The following PRIM2 variants were observed in gnomAD, a reference collection of about 807,000 sequenced individuals.
PRIM2 encodes the protein DNA primase subunit 2.
In PRIM2, 39 loss-of-function variants were observed where a neutral mutation model predicts 67.3. That is an observed-to-expected ratio of 0.58 (90% CI 0.45 to 0.76). The LOEUF is 0.76. Among genes scored for constraint, PRIM2 ranks in the 30% least tolerant of loss-of-function variants. PRIM2 has a pLI of 0.00. For missense variants in PRIM2, 398 were observed against 598.7 expected, an observed-to-expected ratio of 0.66 and a Z score of 3.50; for synonymous variants, 143 against 198.7, an observed-to-expected ratio of 0.72 and a Z score of 2.36.
At chr6:57,465,759 C>A (rs1487706371) in intron 7 of PRIM2, among the ~76,000 whole-genome samples, 7 of 151,994 alleles carry the variant, frequency 4.6e-5, no homozygotes, top group African/African-American at 1.7e-4. Flanking sequence ...AGGACAGAGT[C>A]CGGCATACTT....
intron 7 of PRIM2, among the ~76,000 whole-genome samples, chr6:57,386,249 A>G (rs1770143469): frequency 1.3e-5 from 2 of 150,894 alleles, no homozygotes; most frequent in South Asian, 2.1e-4. Context: ...AACAACAGCA[A>G]CAACAACAAC....
intron 10 of PRIM2, among the ~76,000 whole-genome samples, chr6:57,584,973 G>C (rs1480787187): frequency 6.6e-6 from 1 of 152,112 alleles, no homozygotes; most frequent in Non-Finnish European, 1.5e-5. Context: ...AGTTCTCACC[G>C]ATGAGAAATG....
At chr6:57,502,935 G>A (rs1774170360) in intron 7 of PRIM2, among the ~76,000 whole-genome samples, 1 of 152,058 alleles carries the variant, frequency 6.6e-6, no homozygotes, top group African/African-American at 2.4e-5. Context: ...CCATTTAGCT[G>A]GAAATGAAAA....
At chr6:57,627,279 CAAAAAAAAAAAAAA>C (rs1158722297) in intron 12 of PRIM2, among the ~76,000 whole-genome samples, 8 of 24,536 alleles carry the variant, frequency 3.3e-4, no homozygotes, top group South Asian at 3.2e-3. Context: ...GACTCTGTCT[CAAAAAAAAAAAAAA>C]AAAAAAAAAA....
the PRIM2 span, among the ~76,000 whole-genome samples, chr6:57,293,834 TG>T: frequency 5.7e-5 from 3 of 52,838 alleles, no homozygotes; most frequent in East Asian, 1.4e-3. Flanking sequence ...TGGGGCCTGT[TG>T]GGGGGTGGGG....
At chr6:57,423,477 A>AT (rs1771526021) in intron 7 of PRIM2, among the ~76,000 whole-genome samples, 1 of 152,160 alleles carries the variant, frequency 6.6e-6, no homozygotes, top group African/African-American at 2.4e-5. Context: ...CTCTGAATGG[A>AT]TTGGAGGGAT....
intron 7 of PRIM2, among the ~76,000 whole-genome samples, chr6:57,470,461 G>A (rs1394241696): frequency 7.8e-4 from 17 of 21,690 alleles, no homozygotes; most frequent in East Asian, 2.8e-3. Context: ...CCCTCTCCCC[G>A]TCTCCCTCTC....
chr6:57,414,433 G>A (rs1193835217), intron 7 of PRIM2, among the ~76,000 whole-genome samples: 6 of 152,130 alleles, frequency 3.9e-5, no homozygotes, highest in Non-Finnish European at 8.8e-5. Context: ...TAAATATTAA[G>A]TATAAAATAG....
the PRIM2 span, among the ~76,000 whole-genome samples, chr6:57,251,103 C>G: frequency 1.3e-5 from 2 of 152,034 alleles, no homozygotes; most frequent in Non-Finnish European, 2.9e-5. Context: ...TGTTTCTTTC[C>G]TACCCCCAAA....
At chr6:57,585,769 G>A (rs1360981907) in intron 10 of PRIM2, among the ~76,000 whole-genome samples, 1 of 152,184 alleles carries the variant, frequency 6.6e-6, no homozygotes, top group Non-Finnish European at 1.5e-5. Context: ...AGGATTCCGA[G>A]GAGCCTGACT....
the PRIM2 span, among the ~76,000 whole-genome samples, chr6:57,305,656 A>G: frequency 6.6e-6 from 1 of 152,188 alleles, no homozygotes; most frequent in Non-Finnish European, 1.5e-5. Flanking sequence ...TGTTACTTAG[A>G]TTCTTTTATT....
At chr6:57,252,149 TC>T in the PRIM2 span, among the ~76,000 whole-genome samples, 1 of 152,238 alleles carries the variant, frequency 6.6e-6, no homozygotes, top group Non-Finnish European at 1.5e-5. Flanking sequence ...AATCTCTCCT[TC>T]CTCAGGAATA....
the PRIM2 span, among the ~76,000 whole-genome samples, chr6:57,225,092 T>C: frequency 2.0e-5 from 3 of 152,198 alleles, no homozygotes; most frequent in African/African-American, 7.2e-5. Context: ...CCCACCCCTT[T>C]TTCCTTTGTC....
intron 5 of PRIM2, among the ~76,000 whole-genome samples, chr6:57,368,334 C>T (rs1386451367): frequency 2.6e-5 from 4 of 151,774 alleles, no homozygotes; most frequent in Non-Finnish European, 5.9e-5. Flanking sequence ...TGGGTGGCAC[C>T]AGGAATCTGT....
chr6:57,336,987 T>C (rs1477652210), intron 5 of PRIM2, among the ~76,000 whole-genome samples: 12 of 151,982 alleles, frequency 7.9e-5, no homozygotes, highest in African/African-American at 2.9e-4. Context: ...GAGACACACA[T>C]AGCCTCAAAA....
rs988613963 is a variant in PRIM2, at chr6:57,325,982, T to C, written c.396T>C (p.Phe132=). The C allele has an allele frequency of 1.9e-6, 3 of 1,612,460 alleles. No individual in the cohort carries two copies. Among genetic ancestry groups the C allele is most frequent in the Non-Finnish European group, 2.5e-6 (3 of 1,179,520 alleles). ...AAATGGATCTCCTTCGATTTAGATT[T>C]AGTATTTTACCCAAGGATAAAATTC... The part of the protein sequence containing the change: ...QQEMDLLRFR[F]SILPKDKIQD... Residue 132 remains phenylalanine, a synonymous_variant, in exon 5 of 14, where the codon TTT becomes TTC. Transcript: ENST00000615550.
chr6:57,399,433 T>G (rs1770631259), intron 7 of PRIM2, among the ~76,000 whole-genome samples: 1 of 152,214 alleles, frequency 6.6e-6, no homozygotes, highest in Non-Finnish European at 1.5e-5. Flanking sequence ...CTTAATCCAG[T>G]CTATCATTGA....
intron 10 of PRIM2, among the ~76,000 whole-genome samples, chr6:57,598,217 C>A (rs1425966675): frequency 2.6e-5 from 4 of 152,100 alleles, no homozygotes; most frequent in Non-Finnish European, 5.9e-5. Context: ...TCTGTTTGTG[C>A]CAGCCTTGAG....
chr6:57,446,280 GTTTTTTTTGTTTT>G (rs1241300563), intron 7 of PRIM2, among the ~76,000 whole-genome samples: 1 of 107,838 alleles, frequency 9.3e-6, no homozygotes, highest in African/African-American at 2.8e-5. Context: ...ATGAGTAACT[GTTTTTTTTGTTTT>G]TTTTTTTTTT....
Sources: gnomAD v4.1 joint callset for allele counts (sites outside exome capture counted in the v4.1 genomes callset) on GRCh38, gnomAD v4.1.1 for gene constraint, MANE v1.5 for transcripts, NCBI Gene and HGNC (gene_info 2026-07-23, HGNC 2026-07-21) for gene names.